PLA2G4A: variants seen among roughly 807,000 people sequenced by gnomAD.
PLA2G4A encodes the protein phospholipase A2 group IVA.
A neutral mutation model predicts 81.9 loss-of-function variants in PLA2G4A; 40 were observed. The observed-to-expected ratio is 0.49, with a 90% CI of 0.38 to 0.64. The LOEUF (loss-of-function observed/expected upper bound fraction) is 0.64. Among genes scored for constraint, PLA2G4A ranks in the 30% least tolerant of loss-of-function variants. The pLI is 0.00. For missense variants in PLA2G4A, 715 were observed against 905.1 expected, an observed-to-expected ratio of 0.79 and a Z score of 2.69; for synonymous variants, 302 against 296.9, an observed-to-expected ratio of 1.02 and a Z score of -0.18.
At chr1:186,987,081 G>T (rs6682706) in intron 17 of PLA2G4A, among the ~76,000 whole-genome samples, 28,375 of 152,228 alleles carry the variant, frequency 0.19, 3,972 homozygotes, top group African/African-American at 0.39. Context: ...CGTTTTTAAA[G>T]TTACTATTAG....
intron 2 of PLA2G4A, among the ~76,000 whole-genome samples, chr1:186,869,306 T>C (rs1309056581): frequency 6.6e-6 from 1 of 152,208 alleles, no homozygotes; most frequent in African/African-American, 2.4e-5. Context: ...AACTCTTGGA[T>C]GTTGAAGGTA....
chr1:186,851,415 G>A (rs1160052946), intron 1 of PLA2G4A, among the ~76,000 whole-genome samples: 3 of 151,886 alleles, frequency 2.0e-5, no homozygotes, highest in African/African-American at 7.3e-5. Flanking sequence ...AAATATGGAT[G>A]GTAAAGATGA....
chr1:186,840,064 C>T (rs1651926360), intron 1 of PLA2G4A, among the ~76,000 whole-genome samples: 1 of 150,094 alleles, frequency 6.7e-6, no homozygotes, highest in Admixed American at 6.7e-5. Context: ...CAACCTCTGC[C>T]TCCCAAGTTC....
intron 1 of PLA2G4A, among the ~76,000 whole-genome samples, chr1:186,849,689 A>T (rs188920289): frequency 1.3e-5 from 2 of 152,056 alleles, no homozygotes; most frequent in East Asian, 3.9e-4. Context: ...ACCCTCAATT[A>T]TTCTTTGTTT....
chr1:186,888,105 G>A lies in PLA2G4A; in HGVS notation c.116-4906G>A, dbSNP rs2102098516. 2.6e-5 allele frequency among the ~76,000 whole-genome samples: 4 copies of A among 152,214 alleles called. No homozygotes were observed. In the Middle Eastern group the frequency reaches 0.014, roughly 518 times the overall value. ...AGAAATTAGAAACGCTGCCACTCTG[G>A]ACATACATTTTAGAAAGCTGACTTA... On this transcript the variant is annotated intron_variant, in intron 3 of 17. Transcript: ENST00000367466.
chr1:186,902,603 C>A (rs555738238), intron 5 of PLA2G4A, among the ~76,000 whole-genome samples: 8 of 152,054 alleles, frequency 5.3e-5, no homozygotes, highest in African/African-American at 1.9e-4. Context: ...AACTGAAGAA[C>A]GACAAAAGAA....
chr1:186,960,423 C>T (rs572336098), intron 14 of PLA2G4A, among the ~76,000 whole-genome samples: 3 of 152,252 alleles, frequency 2.0e-5, no homozygotes, highest in African/African-American at 4.8e-5. Flanking sequence ...TTTCCACAAC[C>T]GCATTAATTC....
At chr1:186,870,612 C>T in intron 3 of PLA2G4A, 96 bp downstream of exon 3, 1 of 1,166,630 alleles carries the variant, frequency 8.6e-7, no homozygotes, top group South Asian at 1.3e-5. Flanking sequence ...CTGCCTTCTT[C>T]AAATGTGGTT....
At chr1:186,940,515 TG>T (rs1656113158) in intron 10 of PLA2G4A, among the ~76,000 whole-genome samples, 1 of 152,150 alleles carries the variant, frequency 6.6e-6, no homozygotes, top group East Asian at 1.9e-4. Flanking sequence ...GGCCCCCCTG[TG>T]GATACCAAAT....
At chr1:186,843,618 T>C (rs1369501200) in intron 1 of PLA2G4A, among the ~76,000 whole-genome samples, 1 of 152,178 alleles carries the variant, frequency 6.6e-6, no homozygotes, top group African/African-American at 2.4e-5. Context: ...ATCTAGTAGA[T>C]AAATTAAGAG....
rs72714315 is a variant in PLA2G4A at position 186,982,684 on chromosome 1, C to T, written c.2118+3212C>T. ...AGTAACTCCTCTTTGTGTGTGTGTGCGTGTGTGTGTGTGTGTGTGTTTCAT... is the reference window on the plus strand; with the variant it reads ...AGTAACTCCTCTTTGTGTGTGTGTGTGTGTGTGTGTGTGTGTGTGTTTCAT... On this transcript the variant is annotated intron_variant, in intron 17 of 17. Transcript: ENST00000367466. Among the ~76,000 whole-genome samples the T allele has an allele frequency of 9.6e-3, 332 of 34,480 alleles. 2 individuals are homozygous for T. The highest frequency in any genetic ancestry group is 0.024 in the South Asian group (23 of 956). The allele number at this position is 34,480 out of a possible 152,430, so 22.6% of individuals were successfully genotyped here. A position where few individuals can be genotyped will look rare whatever the true frequency, so the allele number is the denominator to read the frequency against.
chr1:186,860,771 T>G (rs1298131209), intron 2 of PLA2G4A, among the ~76,000 whole-genome samples: 3 of 152,216 alleles, frequency 2.0e-5, no homozygotes, highest in Non-Finnish European at 4.4e-5. Context: ...ATGTTTCTGC[T>G]TCTTTACCAC....
chr1:186,893,721 C>T (rs1415616768), intron 4 of PLA2G4A, among the ~76,000 whole-genome samples: 1 of 151,868 alleles, frequency 6.6e-6, no homozygotes, highest in African/African-American at 2.4e-5. Context: ...GTCAGGAGCT[C>T]GAGACCAGCC....
At position 186,937,201 on chromosome 1, in the gene PLA2G4A, TG is replaced by T. The variant is rs201595820; in HGVS notation, c.696-1806del. Among the ~76,000 whole-genome samples the T allele has an allele frequency of 5.4e-3, 826 of 151,930 alleles. 6 individuals are homozygous for T. Among genetic ancestry groups the T allele is most frequent in the African/African-American group, 0.019 (794 of 41,502 alleles). On this transcript the variant is annotated intron_variant, in intron 8 of 17. Transcript: ENST00000367466. ...ATGGTTGAAGTATTCTAGGTTTTTC[TG>T]TTTCTCGCCAGGGTTTGTATTTCCA...
chr1:186,849,701 T>C (rs181322420), intron 1 of PLA2G4A, among the ~76,000 whole-genome samples: 2 of 152,242 alleles, frequency 1.3e-5, no homozygotes, highest in East Asian at 3.9e-4. Context: ...TCTTTGTTTC[T>C]GCATTTTACT....
At position 186,940,021 on chromosome 1, in the gene PLA2G4A, T is replaced by C; in HGVS notation, c.960T>C (p.Asn320=). The C allele has an allele frequency of 1.2e-6, 2 of 1,605,850 alleles. No homozygotes were observed. Among genetic ancestry groups the C allele is most frequent in the Non-Finnish European group, 1.7e-6 (2 of 1,172,522 alleles). Residue 320 remains asparagine, a synonymous_variant, in exon 10 of 18, where the codon AAT becomes AAC. Transcript: ENST00000367466. ...TTLSSLKEKV[N]TAQCPLPLFT... is the part of the protein sequence containing the mutation. The stretch of plus-strand genomic sequence containing the variant: ...TGAGCAGTTTGAAGGAAAAAGTTAA[T>C]ACTGCACAATGCCCTTTACCTCTTT...
intron 10 of PLA2G4A, 71 bp downstream of exon 10, chr1:186,940,165 G>A (rs901103214): frequency 1.8e-5 from 15 of 849,396 alleles, no homozygotes; most frequent in South Asian, 2.6e-5. Flanking sequence ...TTTCCTTAGA[G>A]GAAGGTCATA....
intron 13 of PLA2G4A, 147 bp from the exon 14 acceptor site, chr1:186,955,955 T>C (rs1656734567): frequency 1.5e-6 from 1 of 666,882 alleles, no homozygotes; most frequent in African/African-American, 1.8e-5. Flanking sequence ...TTGGCCAGGA[T>C]GGTCTCAATC....
In PLA2G4A at chr1:186,873,583, G is replaced by T. The variant is rs115141966; in HGVS notation, c.115+3067G>T. The stretch of plus-strand genomic sequence containing the variant: ...ACCAAGACAAATAAAAAATCAACTA[G>T]TTAATTCTTGGTAAAATATTCATAT... On this transcript the variant is annotated intron_variant, in intron 3 of 17. Transcript: ENST00000367466. Among the ~76,000 whole-genome samples, 382 of 152,118 alleles carry T rather than the reference G, an allele frequency of 2.5e-3. 2 individuals carry two copies. The highest frequency in any genetic ancestry group is 8.9e-3 in the African/African-American group (371 of 41,532).
Sources: allele counts gnomAD v4.1 joint callset (sites outside exome capture counted in the v4.1 genomes callset), GRCh38; gene constraint gnomAD v4.1.1; transcripts MANE v1.5; gene names NCBI Gene and HGNC (gene_info 2026-07-23, HGNC 2026-07-21).